The following PRKCG variants were observed in gnomAD, a reference collection of about 807,000 sequenced individuals.
The protein encoded by PRKCG is protein kinase C gamma, also known as protein kinase C gamma type.
A neutral mutation model predicts 82.0 loss-of-function variants in PRKCG; 28 were observed. The observed-to-expected ratio is 0.34, with a 90% CI of 0.25 to 0.47. PRKCG has a LOEUF of 0.47. Among genes scored for constraint, PRKCG ranks in the 20% least tolerant of loss-of-function variants. The pLI is 1.00. For synonymous variants in PRKCG, 383 were observed against 376.6 expected, an observed-to-expected ratio of 1.02 and a Z score of -0.20; for missense variants, 640 against 952.7, an observed-to-expected ratio of 0.67 and a Z score of 4.32.
intron 15 of PRKCG, 53 bp downstream of exon 15, chr19:53,903,206 C>T: frequency 2.1e-6 from 3 of 1,438,226 alleles, no homozygotes; most frequent in Admixed American, 1.7e-5. Context: ...GAGAGGGGCA[C>T]CTGGATCTCA....
intron 15 of PRKCG, among the ~76,000 whole-genome samples, chr19:53,903,814 A>G (rs1256812846): frequency 6.6e-6 from 1 of 152,262 alleles, no homozygotes; most frequent in Non-Finnish European, 1.5e-5. Flanking sequence ...ATTTAATTGA[A>G]TCTAACAACC....
At chr19:53,894,558 C>G (rs2068704377) in intron 9 of PRKCG, among the ~76,000 whole-genome samples, 2 of 151,822 alleles carry the variant, frequency 1.3e-5, no homozygotes, top group South Asian at 2.1e-4. Context: ...CTCCCAGATT[C>G]AAGTGATTCT....
intron 14 of PRKCG, among the ~76,000 whole-genome samples, chr19:53,902,712 T>C (rs2068772400): frequency 6.6e-6 from 1 of 151,182 alleles, no homozygotes; most frequent in Non-Finnish European, 1.5e-5. Flanking sequence ...CTGGGCAACA[T>C]AGTGAGGACC....
intron 14 of PRKCG, 60 bp from the exon 15 acceptor site, chr19:53,903,013 A>G: frequency 7.7e-7 from 1 of 1,306,952 alleles, no homozygotes; most frequent in Non-Finnish European, 1.1e-6. Flanking sequence ...GGGTGAGGCC[A>G]GAGGGGTCCT....
At chr19:53,906,084 C>CCTTCTTCTTCTTCTTCTTCTTCTTCTT (rs1199099703) in intron 16 of PRKCG, among the ~76,000 whole-genome samples, 5 of 27,984 alleles carry the variant, frequency 1.8e-4, no homozygotes, top group South Asian at 1.4e-3. Flanking sequence ...TCCTCCTCCT[C>CCTTCTTCTTCTTCTTCTTCTTCTTCTT]CTTCTTCTTC....
At chr19:53,888,462 CAA>C in intron 3 of PRKCG, among the ~76,000 whole-genome samples, 1 of 152,122 alleles carries the variant, frequency 6.6e-6, no homozygotes, top group Non-Finnish European at 1.5e-5. Flanking sequence ...AGCATTGCTT[CAA>C]AATATAGATT....
At position 53,889,820 on chromosome 19, in the gene PRKCG, G is replaced by T; in HGVS notation, c.398-66G>T. 6.3e-7 allele frequency: 1 copy of T among 1,575,728 alleles called. No individual in the cohort carries two copies. On this transcript the variant is annotated intron_variant, in intron 4 of 17. Transcript: ENST00000263431. This position sits in a 1 kb window ranked among gnomAD's most constrained non-coding sequence, Gnocchi z 4.4. ...TGGGTTCCGGGAAATGCCCGGGATG[G>T]GGTGGGGGGTGGAGTCTTGGCTTGG...
In PRKCG at chr19:53,882,399, T is replaced by A. The variant is rs771133027; in HGVS notation, c.-96T>A. The A allele has an allele frequency of 1.0e-5, 16 of 1,531,284 alleles. No individual in the cohort carries two copies. The highest frequency in any genetic ancestry group is 1.3e-5 in the Non-Finnish European group (15 of 1,131,586). 94.9% of individuals were successfully genotyped at this position (1,531,284 alleles called of 1,614,324 possible). Reference sequence around the variant, plus strand: ...TCCTGCCCACCTCGGAATTTCCCTGTGGCTCCTTTGATCCTTCGAGTCTCC... The same window carrying A: ...TCCTGCCCACCTCGGAATTTCCCTGAGGCTCCTTTGATCCTTCGAGTCTCC... On this transcript the variant is annotated 5_prime_UTR_variant, in exon 1 of 18. Coordinates refer to ENST00000263431, the MANE Select transcript of PRKCG (RefSeq NM_002739.5). This position sits in a 1 kb window ranked among gnomAD's most constrained non-coding sequence, Gnocchi z 6.1.
intron 3 of PRKCG, among the ~76,000 whole-genome samples, chr19:53,887,766 G>A (rs1337049363): frequency 6.7e-6 from 1 of 148,738 alleles, no homozygotes; most frequent in Non-Finnish European, 1.5e-5. Flanking sequence ...GGAGGCAGAG[G>A]TTGCAGTGAG....
In PRKCG at chr19:53,889,947, C is replaced by A; in HGVS notation, c.459C>A (p.Asp153Glu). ...GCGTGCCCTCCCTGTGCGGTGTGGA[C>A]CACACCGAGCGCCGCGGGCGCCTGC... ...VRSVPSLCGV[D>E]HTERRGRLQL... is the part of the protein sequence containing the mutation. The change falls in exon 5 of 18, where the codon GAC becomes GAA. Residue 153 changes from aspartate (D) to glutamate (E), a missense_variant. Coordinates refer to ENST00000263431, the MANE Select transcript of PRKCG (RefSeq NM_002739.5). This position sits in a 1 kb window ranked among gnomAD's most constrained non-coding sequence, Gnocchi z 4.4. 6.3e-7 allele frequency: 1 copy of A among 1,578,764 alleles called. No homozygotes were observed. Among genetic ancestry groups the A allele is most frequent in the South Asian group, 1.2e-5 (1 of 86,416 alleles).
intron 6 of PRKCG, 52 bp downstream of exon 6, chr19:53,891,882 G>A (rs1041699814): frequency 1.2e-6 from 2 of 1,611,428 alleles, no homozygotes; most frequent in Admixed American, 3.3e-5. Flanking sequence ...AATGATCTGA[G>A]GGTCCTAGTG....
Position 53,882,296 on chromosome 19 carries a change from TC to T in PRKCG, c.-194del, listed in dbSNP as rs1165222736. 4.1e-6 allele frequency: 3 copies of T among 724,648 alleles called. No individual in the cohort carries two copies. Among genetic ancestry groups the T allele is most frequent in the Admixed American group, 2.8e-5 (1 of 36,058 alleles). The allele number at this position is 724,648 out of a possible 1,614,324, so 44.9% of individuals were successfully genotyped here. ...TGGCTCTTCCTCCCCACTCGCCCGC[TC>T]CCCCTGGCGGAGCCGGCGCGCCCGG... On this transcript the variant is annotated 5_prime_UTR_variant, in exon 1 of 18. Coordinates refer to ENST00000263431, the MANE Select transcript of PRKCG (RefSeq NM_002739.5). This position sits in a 1 kb window ranked among gnomAD's most constrained non-coding sequence, Gnocchi z 6.1.
chr19:53,903,808 A>G (rs1228550962), intron 15 of PRKCG, among the ~76,000 whole-genome samples: 1 of 152,238 alleles, frequency 6.6e-6, no homozygotes, highest in Non-Finnish European at 1.5e-5. Context: ...TTTAAAATTT[A>G]ATTGAATCTA....
In PRKCG at chr19:53,883,212, G is replaced by A. The variant is rs1599937605; in HGVS notation, c.202+18G>A. The A allele has an allele frequency of 6.2e-7, 1 of 1,613,852 alleles. No homozygotes were observed. The highest frequency in any genetic ancestry group is 2.2e-5 in the East Asian group (1 of 44,826). ...ATGTCAAGGTAAGAGCTGGGGACCG[G>A]GGCTCCTGGGACCCTCAGGAGGGTG... On this transcript the variant is annotated intron_variant, in intron 2 of 17. Coordinates refer to ENST00000263431, the MANE Select transcript of PRKCG (RefSeq NM_002739.5). The surrounding 1 kb of genome is among the most constrained non-coding windows in gnomAD (Gnocchi z 5.4).
At position 53,884,042 on chromosome 19, in the gene PRKCG, CTCTT is replaced by C. The variant is rs1169971760; in HGVS notation, c.203-115_203-112del. 5 of 960,954 alleles carry C rather than the reference CTCTT, an allele frequency of 5.2e-6. No individual in the cohort carries two copies. The highest frequency in any genetic ancestry group is 8.2e-6 in the Non-Finnish European group (5 of 609,674). 59.5% of individuals were successfully genotyped at this position (960,954 alleles called of 1,614,324 possible). A position where few individuals can be genotyped will look rare whatever the true frequency, so the allele number is the denominator to read the frequency against. ...TTGGACTCTCTGTGTTGAGATCCCT[CTCTT>C]TCTGGTTTTCTCAGTGTCCGAGTTC... On this transcript the variant is annotated intron_variant, in intron 2 of 17. Transcript: ENST00000263431. The surrounding 1 kb of genome is among the most constrained non-coding windows in gnomAD (Gnocchi z 4.6).
Position 53,884,575 on chromosome 19 carries a change from G to A in PRKCG, c.285+332G>A, listed in dbSNP as rs902706353. Among the ~76,000 whole-genome samples, 3 of 152,114 alleles carry A rather than the reference G, an allele frequency of 2.0e-5. No homozygotes were observed. The highest frequency in any genetic ancestry group is 7.2e-5 in the African/African-American group (3 of 41,408). Reference sequence around the variant, plus strand: ...GCACACGGAGAAAAATATCAGTGCAGGTGCGGAGATGCCAACATAAGACAG... The same window carrying A: ...GCACACGGAGAAAAATATCAGTGCAAGTGCGGAGATGCCAACATAAGACAG... On this transcript the variant is annotated intron_variant, in intron 3 of 17. Transcript: ENST00000263431. This position sits in a 1 kb window ranked among gnomAD's most constrained non-coding sequence, Gnocchi z 4.6.
rs180897207 is a variant in PRKCG at position 53,895,286 on chromosome 19, G to A, written c.939+1895G>A. On this transcript the variant is annotated intron_variant, in intron 9 of 17. Coordinates refer to ENST00000263431, the MANE Select transcript of PRKCG (RefSeq NM_002739.5). Reference sequence around the variant, plus strand: ...GCGGATCACCTGAGGTCAGGAGTTTGAGACCAGCCTGGCCAGCGTGGCAAA... The same window carrying A: ...GCGGATCACCTGAGGTCAGGAGTTTAAGACCAGCCTGGCCAGCGTGGCAAA... Among the ~76,000 whole-genome samples, 1,124 of 152,086 alleles carry A rather than the reference G, an allele frequency of 7.4e-3. 14 individuals carry two copies. The highest frequency in any genetic ancestry group is 0.026 in the African/African-American group (1,078 of 41,512).
intron 3 of PRKCG, among the ~76,000 whole-genome samples, chr19:53,888,733 C>T (rs2068649844): frequency 6.6e-6 from 1 of 151,986 alleles, no homozygotes; most frequent in Non-Finnish European, 1.5e-5. Context: ...GTTCTCCATT[C>T]CACCTGGAGC....
chr19:53,886,384 G>T (rs913765396), intron 3 of PRKCG, among the ~76,000 whole-genome samples: 4 of 151,934 alleles, frequency 2.6e-5, no homozygotes, highest in Non-Finnish European at 5.9e-5. Context: ...GATTACAGGC[G>T]TGAGCCACCG....
Sources: allele counts gnomAD v4.1 joint callset (sites outside exome capture counted in the v4.1 genomes callset), GRCh38; gene constraint gnomAD v4.1.1; non-coding constraint Gnocchi (gnomAD v3.1); transcripts MANE v1.5; gene names NCBI Gene and HGNC (gene_info 2026-07-23, HGNC 2026-07-21).